The following SV2C variants were observed in gnomAD, a reference collection of about 807,000 sequenced individuals.
SV2C encodes the protein synaptic vesicle glycoprotein 2C.
Under a neutral mutation model 79.7 loss-of-function variants are expected in SV2C, and 49 were observed. That is an observed-to-expected ratio of 0.61 (90% confidence interval 0.49 to 0.78). The LOEUF (loss-of-function observed/expected upper bound fraction) is 0.78. Ranked by LOEUF, SV2C falls within the 30% of genes least tolerant of loss-of-function variation. The pLI, the probability that SV2C is intolerant of heterozygous loss-of-function variation, is 0.00. For synonymous variants in SV2C, 334 were observed against 333.2 expected (o/e 1.00, Z -0.03); for missense variants, 833 against 912.9 (o/e 0.91, Z 1.13).
the SV2C span, among the ~76,000 whole-genome samples, chr5:76,026,132 G>C: frequency 6.6e-6 from 1 of 150,862 alleles, no homozygotes; most frequent in African/African-American, 2.4e-5. Context: ...CATGGAAAAG[G>C]ATTGAGAACT....
At chr5:76,339,321 C>T (rs906875305) in intron 12 of SV2C, among the ~76,000 whole-genome samples, 8 of 152,084 alleles carry the variant, frequency 5.3e-5, no homozygotes, top group African/African-American at 1.9e-4. Context: ...ATTGCCTCTT[C>T]ATTTTCATAT....
At chr5:75,996,986 T>C in the SV2C span, among the ~76,000 whole-genome samples, 3 of 144,042 alleles carry the variant, frequency 2.1e-5, no homozygotes, top group Non-Finnish European at 4.6e-5. Flanking sequence ...TTCCTTCTCC[T>C]GCCTGACTGT....
chr5:76,221,444 G>A (rs940322834), intron 4 of SV2C, among the ~76,000 whole-genome samples: 25 of 152,294 alleles, frequency 1.6e-4, no homozygotes, highest in East Asian at 1.9e-4. Context: ...ATGGGGAGTC[G>A]CTGTCTTTGC....
At chr5:76,159,195 A>T (rs1291382478) in intron 2 of SV2C, among the ~76,000 whole-genome samples, 1 of 152,112 alleles carries the variant, frequency 6.6e-6, no homozygotes. Flanking sequence ...AAAAGAGTGG[A>T]TACTTTTTCT....
intron 4 of SV2C, among the ~76,000 whole-genome samples, chr5:76,277,755 CAA>C (rs35556822): frequency 3.7e-5 from 4 of 108,286 alleles, no homozygotes; most frequent in Admixed American, 9.3e-5. Context: ...AGACCTGTCT[CAA>C]AAAAAAAAAA....
chr5:76,238,335 T>C (rs1394367559), intron 4 of SV2C, among the ~76,000 whole-genome samples: 1 of 151,944 alleles, frequency 6.6e-6, no homozygotes, highest in African/African-American at 2.4e-5. Flanking sequence ...TGTATGTTCT[T>C]TGCCCTTTTT....
chr5:76,165,913 A>G (rs745438870), intron 2 of SV2C, among the ~76,000 whole-genome samples: 25 of 152,164 alleles, frequency 1.6e-4, no homozygotes, highest in Non-Finnish European at 2.6e-4. Flanking sequence ...AGGTGAGGCC[A>G]TGCTCCAACC....
At chr5:75,971,977 G>A in the SV2C span, among the ~76,000 whole-genome samples, 2 of 152,060 alleles carry the variant, frequency 1.3e-5, no homozygotes, top group Non-Finnish European at 2.9e-5. Flanking sequence ...CCAAAACAGA[G>A]ATACAGACTA....
chr5:75,918,482 A>G, the SV2C span, among the ~76,000 whole-genome samples: 1 of 152,216 alleles, frequency 6.6e-6, no homozygotes, highest in Non-Finnish European at 1.5e-5. Context: ...GTAGGCTCTA[A>G]GGGGGAAAAA....
Position 76,302,878 on chromosome 5 carries a change from G to C in SV2C, c.2000+1333G>C, listed in dbSNP as rs930034878. On this transcript the variant is annotated intron_variant, in intron 12 of 12. Coordinates refer to ENST00000502798, the MANE Select transcript of SV2C (RefSeq NM_014979.4). ...GTGGAGTCAGTATTATCTGGACTTT[G>C]AAATGTAGGAGAGTTTTTTCCTAGA... Among the ~76,000 whole-genome samples the C allele has an allele frequency of 3.3e-5, 5 of 152,232 alleles. No individual in the cohort carries two copies. The East Asian group carries it at 9.6e-4, about 29-fold the overall frequency.
At chr5:76,284,025 G>A (rs868283036) in intron 4 of SV2C, among the ~76,000 whole-genome samples, 1 of 152,112 alleles carries the variant, frequency 6.6e-6, no homozygotes, top group Non-Finnish European at 1.5e-5. Context: ...ACCAAGCATT[G>A]CTATAAATTA....
chr5:76,157,549 T>G (rs1446413457), intron 2 of SV2C, among the ~76,000 whole-genome samples: 1 of 151,910 alleles, frequency 6.6e-6, no homozygotes, highest in Admixed American at 6.6e-5. Flanking sequence ...TAAAAAGCAA[T>G]TGCATTAAAC....
chr5:76,350,658 C>A (rs1749626310), intron 12 of SV2C, among the ~76,000 whole-genome samples: 1 of 152,188 alleles, frequency 6.6e-6, no homozygotes. Flanking sequence ...TTGTTCCTTT[C>A]CTCAAGGAGC....
chr5:75,880,374 T>C, the SV2C span, among the ~76,000 whole-genome samples: 1 of 152,172 alleles, frequency 6.6e-6, no homozygotes, highest in Non-Finnish European at 1.5e-5. Flanking sequence ...CAACTTTAAG[T>C]CATTTCTTTG....
chr5:76,082,642 C>CG (rs1164850477), upstream of SV2C, among the ~76,000 whole-genome samples: 1 of 150,514 alleles, frequency 6.6e-6, no homozygotes, highest in Non-Finnish European at 1.5e-5. Flanking sequence ...CCACCCCCCC[C>CG]CCCTCATATT....
chr5:76,049,241 G>A, the SV2C span, among the ~76,000 whole-genome samples: 1 of 151,172 alleles, frequency 6.6e-6, no homozygotes, highest in Non-Finnish European at 1.5e-5. Flanking sequence ...AGAGGCTGAG[G>A]CAGGAGAATG....
At chr5:76,058,735 A>G in the SV2C span, among the ~76,000 whole-genome samples, 907 of 152,284 alleles carry the variant, frequency 6.0e-3, 10 homozygotes, top group African/African-American at 0.021. Context: ...ATTCAAAATT[A>G]GTATAGTAAA....
intron 12 of SV2C, among the ~76,000 whole-genome samples, chr5:76,320,262 A>G (rs939484822): frequency 1.3e-5 from 2 of 152,156 alleles, no homozygotes; most frequent in African/African-American, 4.8e-5. Context: ...GAAACAGTAA[A>G]AAGATTGGTG....
chr5:76,004,904 G>A, the SV2C span, among the ~76,000 whole-genome samples: 2 of 152,140 alleles, frequency 1.3e-5, no homozygotes, highest in Non-Finnish European at 2.9e-5. Flanking sequence ...AGCCACAGGA[G>A]CATGAAGCCA....
Sources: allele counts gnomAD v4.1 joint callset (sites outside exome capture counted in the v4.1 genomes callset), GRCh38; gene constraint gnomAD v4.1.1; transcripts MANE v1.5; gene names NCBI Gene and HGNC (gene_info 2026-07-23, HGNC 2026-07-21).